XKRX: variants seen among roughly 807,000 people sequenced by gnomAD.
The protein encoded by XKRX is XK-related protein 2.
In XKRX, 11 loss-of-function variants were observed where a neutral mutation model predicts 22.4. The ratio of observed to expected loss-of-function variants is 0.49; its 90% CI spans 0.31 to 0.81. XKRX has a LOEUF of 0.81. XKRX is among the 40% of genes least tolerant of loss of function. XKRX has a pLI of 0.05. For synonymous variants in XKRX, 114 were observed against 132.2 expected, an observed-to-expected ratio of 0.86 and a Z score of 0.94; for missense variants, 320 against 336.5, an observed-to-expected ratio of 0.95 and a Z score of 0.38.
At chrX:100,956,060 C>T in the XKRX span, among the ~76,000 whole-genome samples, 3 of 111,484 alleles carry the variant, frequency 2.7e-5, no homozygotes, top group African/African-American at 9.8e-5. Flanking sequence ...TTTGCAAGGA[C>T]ATGGATGGAG....
chrX:100,957,457 T>C, the XKRX span: 1 of 1,189,400 alleles, frequency 8.4e-7, no homozygotes, highest in East Asian at 3.0e-5. Context: ...CGCTCCCACC[T>C]GGGAATGCTG....
chrX:100,915,684 G>GTGTC (rs1423344427), intron 2 of XKRX, among the ~76,000 whole-genome samples: 1 of 64,021 alleles, frequency 1.6e-5, no homozygotes, highest in Non-Finnish European at 2.8e-5. Context: ...TCTGGTGGGT[G>GTGTC]TGTCTGTGTG....
chrX:100,956,522 G>C, the XKRX span: 1 of 365,668 alleles, frequency 2.7e-6, no homozygotes. Context: ...TGACAACACT[G>C]TCATTAGAGA....
the XKRX span, among the ~76,000 whole-genome samples, chrX:100,936,975 T>C: frequency 9.6e-6 from 1 of 104,230 alleles, no homozygotes; most frequent in Non-Finnish European, 1.9e-5. Flanking sequence ...TGGGAGCACA[T>C]GGGGCACCTA....
At chrX:100,947,742 A>C in the XKRX span, among the ~76,000 whole-genome samples, 1 of 112,030 alleles carries the variant, frequency 8.9e-6, no homozygotes, top group South Asian at 3.7e-4. Context: ...TAAACAGAGA[A>C]TCAAAACAGA....
At chrX:100,942,195 T>G in the XKRX span, among the ~76,000 whole-genome samples, 1 of 111,896 alleles carries the variant, frequency 8.9e-6, no homozygotes, top group African/African-American at 3.2e-5. Context: ...ATGAGGTATA[T>G]GAAGTTCAAA....
chrX:100,923,141 G>T, intron 1 of XKRX, 80 bp from the exon 2 acceptor site: 2 of 1,109,688 alleles, frequency 1.8e-6, no homozygotes, highest in Non-Finnish European at 2.4e-6. Flanking sequence ...AAATAACTTG[G>T]GGAGGTTGTG....
the XKRX span, among the ~76,000 whole-genome samples, chrX:100,890,407 G>A: frequency 9.1e-6 from 1 of 109,344 alleles, no homozygotes; most frequent in African/African-American, 3.3e-5. Flanking sequence ...TCAAGTATAG[G>A]TTGGTGCAAA....
rs772047288 is a variant in XKRX, at chrX:100,917,722, G to GAAAGAAAGAAAGAAAGAAAGAAAGAAAT, written c.605-2640_605-2639insATTTCTTTCTTTCTTTCTTTCTTTCTTT. 2.7e-3 allele frequency among the ~76,000 whole-genome samples: 206 copies of GAAAGAAAGAAAGAAAGAAAGAAAGAAAT among 74,931 alleles called. 4 individuals are homozygous for GAAAGAAAGAAAGAAAGAAAGAAAGAAAT. The highest frequency in any genetic ancestry group is 8.4e-3 in the Admixed American group (52 of 6,193). The allele number at this position is 74,931 out of a possible 115,157, so 65.1% of individuals were successfully genotyped here. A position where few individuals can be genotyped will look rare whatever the true frequency, so the allele number is the denominator to read the frequency against. The stretch of plus-strand genomic sequence containing the variant: ...AGAAAGAAAGAAAGAAAGAAAGAAA[G>GAAAGAAAGAAAGAAAGAAAGAAAGAAAT]AAATCCTTGGTTCAGCTGTATGGGA... On this transcript the variant is annotated intron_variant, in intron 2 of 2. Transcript: ENST00000372956.
chrX:100,914,136 G>T lies in XKRX; in HGVS notation c.*202C>A. On this transcript the variant is annotated 3_prime_UTR_variant, in exon 3 of 3. Coordinates refer to ENST00000372956, the MANE Select transcript of XKRX (RefSeq NM_212559.3). ...TTCTGACCCTTTCAACTATATAGTC[G>T]ATACCCCCTGTTTCCAAACATAGTG... 2.1e-6 allele frequency: 1 copy of T among 474,003 alleles called. No individual in the cohort carries two copies. Among genetic ancestry groups the T allele is most frequent in the Non-Finnish European group, 3.6e-6 (1 of 276,784 alleles). The allele number at this position is 474,003 out of a possible 1,213,427, so 39.1% of individuals were successfully genotyped here. A position where few individuals can be genotyped will look rare whatever the true frequency, so the allele number is the denominator to read the frequency against.
chrX:100,954,744 A>G, the XKRX span, among the ~76,000 whole-genome samples: 2 of 112,705 alleles, frequency 1.8e-5, no homozygotes, highest in Non-Finnish European at 3.7e-5. Flanking sequence ...TAAAAAATAA[A>G]TTACTGAAAC....
the XKRX span, among the ~76,000 whole-genome samples, chrX:100,949,233 G>T: frequency 9.0e-6 from 1 of 111,507 alleles, no homozygotes; most frequent in Non-Finnish European, 1.9e-5. Context: ...GGGGCAAGGT[G>T]CTTCACTTTT....
the XKRX span, among the ~76,000 whole-genome samples, chrX:100,952,079 AAAT>A: frequency 9.1e-6 from 1 of 110,015 alleles, no homozygotes; most frequent in Non-Finnish European, 1.9e-5. Flanking sequence ...AAGACAGTAC[AAAT>A]AATAATAATA....
At chrX:100,921,856 C>CGG (rs2085474284) in intron 2 of XKRX, among the ~76,000 whole-genome samples, 1 of 65,160 alleles carries the variant, frequency 1.5e-5, no homozygotes, top group Non-Finnish European at 2.6e-5. Flanking sequence ...TTTTTTGAGA[C>CGG]GGAGTCTTGC....
the XKRX span, among the ~76,000 whole-genome samples, chrX:100,938,350 C>T: frequency 1.8e-5 from 2 of 111,647 alleles, no homozygotes; most frequent in South Asian, 3.7e-4. Context: ...TGGGATTGGC[C>T]GGGTGCAGTG....
In XKRX at chrX:100,924,652, G is replaced by A. The variant is rs141078077; in HGVS notation, c.336-1591C>T. On this transcript the variant is annotated intron_variant, in intron 1 of 2. Coordinates refer to ENST00000372956, the MANE Select transcript of XKRX (RefSeq NM_212559.3). Reference sequence around the variant, plus strand: ...GAACATTTGTAGTGGACATTAACACGTCTTGCCCAAGAGACTGAGGTCAAG... The same window carrying A: ...GAACATTTGTAGTGGACATTAACACATCTTGCCCAAGAGACTGAGGTCAAG... 5.8e-4 allele frequency among the ~76,000 whole-genome samples: 65 copies of A among 112,097 alleles called. No individual in the cohort carries two copies. The East Asian group carries it at 0.015, about 27-fold the overall frequency.
the XKRX span, among the ~76,000 whole-genome samples, chrX:100,935,366 G>A: frequency 9.0e-6 from 1 of 110,759 alleles, no homozygotes; most frequent in African/African-American, 3.3e-5. Flanking sequence ...GGGAGCCAGC[G>A]ACCCAAAGCA....
At chrX:100,947,802 CCTATA>C in the XKRX span, among the ~76,000 whole-genome samples, 3 of 112,102 alleles carry the variant, frequency 2.7e-5, no homozygotes, top group African/African-American at 9.7e-5. Context: ...CCCATCAAAA[CCTATA>C]CTATGCAGCT....
the XKRX span, among the ~76,000 whole-genome samples, chrX:100,947,668 G>A: frequency 3.6e-5 from 4 of 111,936 alleles, no homozygotes; most frequent in East Asian, 5.6e-4. Context: ...GGCACAAAGC[G>A]CAGCTCTGCT....
Sources: gnomAD v4.1 joint callset for allele counts (sites outside exome capture counted in the v4.1 genomes callset) on GRCh38, gnomAD v4.1.1 for gene constraint, MANE v1.5 for transcripts, NCBI Gene and HGNC (gene_info 2026-07-23, HGNC 2026-07-21) for gene names.